TTLL8: variants seen among roughly 807,000 people sequenced by gnomAD.
The protein encoded by TTLL8 is protein monoglycylase TTLL8.
Under a neutral mutation model 77.8 loss-of-function variants are expected in TTLL8, and 65 were observed. The observed-to-expected ratio is 0.84, with a 90% confidence interval of 0.68 to 1.03. The LOEUF (loss-of-function observed/expected upper bound fraction) is 1.03, where lower values mean the gene tolerates loss of function less well. Ranked by LOEUF, TTLL8 falls within the 50% of genes least tolerant of loss-of-function variation. TTLL8 has a pLI of 0.00. For synonymous variants in TTLL8, 402 were observed against 422.8 expected, an observed-to-expected ratio of 0.95 and a Z score of 0.60; for missense variants, 910 against 1,004.5, an observed-to-expected ratio of 0.91 and a Z score of 1.27.
chr22:50,024,118 T>C (rs1378330734), intron 12 of TTLL8, among the ~76,000 whole-genome samples: 1 of 152,182 alleles, frequency 6.6e-6, no homozygotes, highest in Admixed American at 6.5e-5. Context: ...GGAAAATGTA[T>C]ACTATCATAT....
At chr22:50,040,572 A>G (rs1359609725) in intron 8 of TTLL8, among the ~76,000 whole-genome samples, 1 of 152,236 alleles carries the variant, frequency 6.6e-6, no homozygotes, top group East Asian at 1.9e-4. Flanking sequence ...TTTGTGTCTC[A>G]AGTGGGCTGT....
exon 2 of TTLL8, chr22:50,050,159 A>C (rs1438346990): frequency 7.3e-7 from 1 of 1,366,972 alleles, no homozygotes; most frequent in African/African-American, 1.5e-5. Context: ...CTTGGGCAAA[A>C]AGTGGAACTT....
At chr22:50,021,339 C>G (rs1414850732) in intron 12 of TTLL8, among the ~76,000 whole-genome samples, 2 of 149,312 alleles carry the variant, frequency 1.3e-5, no homozygotes, top group African/African-American at 2.5e-5. Flanking sequence ...ACTCCTCCAT[C>G]TGATATGCAC....
At chr22:50,032,204 G>T in intron 10 of TTLL8, 95 bp from the exon 12 acceptor site, 1 of 1,245,322 alleles carries the variant, frequency 8.0e-7, no homozygotes, top group South Asian at 1.4e-5. Flanking sequence ...CACCCAGCTG[G>T]CTCTAGAGAA....
chr22:50,056,892 T>C (rs1000348934), upstream of TTLL8: 76 of 1,289,598 alleles, frequency 5.9e-5, no homozygotes, highest in Non-Finnish European at 7.3e-5. This position sits in a 1 kb window ranked among gnomAD's most constrained non-coding sequence, Gnocchi z 4.1. Context: ...CCCGTCTCCA[T>C]CTGAAGAAGA....
chr22:50,053,723 G>T (rs916778496), intron 1 of TTLL8, among the ~76,000 whole-genome samples: 2 of 152,208 alleles, frequency 1.3e-5, no homozygotes, highest in Admixed American at 6.5e-5. Context: ...TGGGACAGGG[G>T]TGGGGAATAA....
At chr22:50,028,605 AT>A (rs2061248234) in intron 12 of TTLL8, among the ~76,000 whole-genome samples, 1 of 118,230 alleles carries the variant, frequency 8.5e-6, no homozygotes. Flanking sequence ...AAAGACCCCC[AT>A]CACACCGTCC....
At chr22:50,056,746 G>C (rs1389104244), upstream of TTLL8, 3 of 1,278,034 alleles carry the variant, frequency 2.3e-6, no homozygotes, top group South Asian at 1.3e-5. This position sits in a 1 kb window ranked among gnomAD's most constrained non-coding sequence, Gnocchi z 4.1. Flanking sequence ...TGGTTCTGCA[G>C]CTCAGTGAAG....
At chr22:50,019,605 T>C (rs2061183651) in intron 12 of TTLL8, among the ~76,000 whole-genome samples, 1 of 152,112 alleles carries the variant, frequency 6.6e-6, no homozygotes, top group Non-Finnish European at 1.5e-5. Context: ...GAGGGACTGA[T>C]GGGGGGTGCA....
At chr22:50,036,497 C>G (rs980185566) in intron 8 of TTLL8, among the ~76,000 whole-genome samples, 5 of 152,136 alleles carry the variant, frequency 3.3e-5, no homozygotes, top group African/African-American at 1.2e-4. Flanking sequence ...AGACCAGTTA[C>G]GGTGCTGACT....
rs185086762 is a variant in TTLL8 at position 50,038,496 on chromosome 22, T to C, written c.921+2691A>G. Among the ~76,000 whole-genome samples, 580 of 152,324 alleles carry C rather than the reference T, an allele frequency of 3.8e-3. 2 individuals are homozygous for C. Among genetic ancestry groups the C allele is most frequent in the Non-Finnish European group, 6.7e-3 (453 of 68,034 alleles). ...TATAACCACTACGAAATATGTTAGC[T>C]GTTGGATTCTTAAACTTTCAAATGA... On this transcript the variant is annotated intron_variant, in intron 8 of 13. Coordinates refer to ENST00000266182, the Ensembl canonical transcript of TTLL8.
At chr22:50,050,375 CTT>C (rs137913) in intron 1 of TTLL8, 128 bp from the exon 4 acceptor site, 38,943 of 335,012 alleles carry the variant, frequency 0.12, 3 homozygotes, top group South Asian at 0.19. Flanking sequence ...CCAATATGTC[CTT>C]TTTTTTTTTT....
In TTLL8 at chr22:50,030,936, G is replaced by C; in HGVS notation, c.1708-11C>G. ...CGGCTCAACCACCGGCTGTGGGGAA[G>C]GAACAGGTTGGGGTGCTGGGCTGTG... is the stretch of plus-strand genomic sequence containing the variant. On this transcript the variant is annotated splice_polypyrimidine_tract_variant and intron_variant, in intron 11 of 13. Transcript: ENST00000266182. 7.6e-7 allele frequency: 1 copy of C among 1,315,082 alleles called. No individual in the cohort carries two copies. The highest frequency in any genetic ancestry group is 1.2e-5 in the South Asian group (1 of 82,886). 81.5% of individuals were successfully genotyped at this position (1,315,082 alleles called of 1,614,324 possible).
chr22:50,051,862 A>G (rs570938554), intron 1 of TTLL8, among the ~76,000 whole-genome samples: 1 of 152,210 alleles, frequency 6.6e-6, no homozygotes, highest in South Asian at 2.1e-4. Context: ...AAATAAGTTG[A>G]TTATTTTTCT....
chr22:50,035,870 A>T (rs1225159052), intron 8 of TTLL8, among the ~76,000 whole-genome samples: 1 of 152,210 alleles, frequency 6.6e-6, no homozygotes, highest in Non-Finnish European at 1.5e-5. Flanking sequence ...CGAGCCTGTG[A>T]CAGCCCTCAC....
exon 3 of TTLL8, chr22:50,049,260 G>A (rs1209194609): frequency 4.4e-6 from 6 of 1,367,668 alleles, no homozygotes; most frequent in South Asian, 3.4e-5. Context: ...ATCACGTCGT[G>A]GATGTTGTCT....
chr22:50,054,297 C>CA (rs2061459607), intron 1 of TTLL8, among the ~76,000 whole-genome samples: 1 of 152,128 alleles, frequency 6.6e-6, no homozygotes, highest in Non-Finnish European at 1.5e-5. Context: ...CCCTCAGCTC[C>CA]CATTTACAGA....
chr22:50,053,840 G>C (rs924003914), intron 1 of TTLL8, among the ~76,000 whole-genome samples: 2 of 152,196 alleles, frequency 1.3e-5, no homozygotes, highest in African/African-American at 4.8e-5. Flanking sequence ...GGTCTTTATG[G>C]AGACTGTCTG....
At chr22:50,046,621 G>A (rs1005558073) in intron 4 of TTLL8, among the ~76,000 whole-genome samples, 8 of 152,206 alleles carry the variant, frequency 5.3e-5, no homozygotes, top group South Asian at 2.1e-4. Context: ...CTGCACCTCC[G>A]CCCCACACTG....
Sources: allele counts gnomAD v4.1 joint callset (sites outside exome capture counted in the v4.1 genomes callset), GRCh38; gene constraint gnomAD v4.1.1; non-coding constraint Gnocchi (gnomAD v3.1); transcripts MANE v1.5; gene names NCBI Gene and HGNC (gene_info 2026-07-23, HGNC 2026-07-21).